The following TPX2 variants were observed in gnomAD, a reference collection of about 807,000 sequenced individuals.
TPX2 encodes TPX2 microtubule nucleation factor, also known as targeting protein for Xklp2.
Under a neutral mutation model 93.6 loss-of-function variants are expected in TPX2, and 21 were observed. The ratio of observed to expected loss-of-function variants is 0.22; its 90% CI spans 0.16 to 0.32. The LOEUF (loss-of-function observed/expected upper bound fraction) is 0.32, where lower values mean the gene tolerates loss of function less well. Among genes scored for constraint, TPX2 ranks in the 10% least tolerant of loss-of-function variants. The pLI, the probability that TPX2 is intolerant of heterozygous loss-of-function variation, is 1.00. For missense variants in TPX2, 776 were observed against 871.1 expected (o/e 0.89, Z 1.37); for synonymous variants, 281 against 298.3 (o/e 0.94, Z 0.60).
intron 15 of TPX2, among the ~76,000 whole-genome samples, chr20:31,794,755 A>AGTGTGTGTGTGT (rs35018680): frequency 2.5e-4 from 36 of 145,482 alleles, no homozygotes; most frequent in African/African-American, 6.8e-4. Context: ...TCTGTCGCAT[A>AGTGTGTGTGTGT]GTGTGTGTGT....
intron 7 of TPX2, among the ~76,000 whole-genome samples, chr20:31,774,006 G>A (rs972590033): frequency 6.6e-6 from 1 of 151,916 alleles, no homozygotes; most frequent in Non-Finnish European, 1.5e-5. Flanking sequence ...CGAGTAGCTG[G>A]GATTACTGGC....
At chr20:31,792,962 G>T in intron 13 of TPX2, 132 bp downstream of exon 13, 1 of 766,504 alleles carries the variant, frequency 1.3e-6, no homozygotes, top group South Asian at 1.7e-5. Context: ...GAATGGGTAT[G>T]AACATTTGTT....
In TPX2 at chr20:31,778,070, T is replaced by C. The variant is rs560965037; in HGVS notation, c.882+432T>C. On this transcript the variant is annotated intron_variant, in intron 9 of 17. Transcript: ENST00000300403. ...GATTACAAGTGTGAGCCATCATGCC[T>C]GGCCAATATAACAGATCTTATAGGA... Among the ~76,000 whole-genome samples the C allele has an allele frequency of 2.6e-5, 4 of 152,248 alleles. No individual in the cohort carries two copies. In the South Asian group the frequency reaches 8.3e-4, roughly 32 times the overall value.
At position 31,793,867 on chromosome 20, in the gene TPX2, T is replaced by C. The variant is rs150674434; in HGVS notation, c.1529T>C (p.Val510Ala). 483 of 1,603,406 alleles carry C rather than the reference T, an allele frequency of 3.0e-4. 1 individual carries two copies. Among genetic ancestry groups the C allele is most frequent in the Middle Eastern group, 5.0e-4 (3 of 6,006 alleles). Reference sequence around the variant, plus strand: ...CCCTAGGAAGAGGACGAACCGGTAGTGATAAAAGCTCAACCTGTGCCACAT... The same window carrying C: ...CCCTAGGAAGAGGACGAACCGGTAGCGATAAAAGCTCAACCTGTGCCACAT... Reference protein sequence around the residue: ...KEDEEEDEPVVIKAQPVPHYG... With the variant: ...KEDEEEDEPVAIKAQPVPHYG... Residue 510 changes from valine to alanine, a missense_variant, in exon 14 of 18, where the codon GTG becomes GCG. By Grantham distance (64) the Val-to-Ala change is moderately conservative. This residue lies in a region of TPX2 where 461 missense variants were observed against 551.2 expected (regional missense o/e 0.84). Transcript: ENST00000300403.
At position 31,771,646 on chromosome 20, in the gene TPX2, A is replaced by G. The variant is rs2123027762; in HGVS notation, c.572A>G (p.Lys191Arg). ...EKNASSPEKA[K>R]GRHTVPCMPP... ...AATGCATCTTCCCCAGAGAAAGCCA[A>G]GGGTAGACATACTGTGCCTTGTATG... Residue 191 changes from lysine to arginine, a missense_variant, in exon 7 of 18, where the codon AAG becomes AGG. Lys to Arg is a conservative substitution (Grantham distance 26). Coordinates refer to ENST00000300403, the MANE Select transcript of TPX2 (RefSeq NM_012112.5). 6.2e-7 allele frequency: 1 copy of G among 1,613,878 alleles called. No individual in the cohort carries two copies. Among genetic ancestry groups the G allele is most frequent in the East Asian group, 2.2e-5 (1 of 44,856 alleles).
chr20:31,793,783 T>G, intron 13 of TPX2, 65 bp from the exon 14 acceptor site: 1 of 1,439,648 alleles, frequency 6.9e-7, no homozygotes, highest in Non-Finnish European at 9.3e-7. Flanking sequence ...GTCTTCTGAC[T>G]CCACATTCTG....
chr20:31,749,698 G>A (rs986567282), intron 2 of TPX2, among the ~76,000 whole-genome samples: 3 of 151,892 alleles, frequency 2.0e-5, no homozygotes, highest in Admixed American at 6.6e-5. Context: ...AGGAGGCTGA[G>A]GCAGGAGAAT....
intron 2 of TPX2, among the ~76,000 whole-genome samples, chr20:31,749,431 G>T (rs1403257675): frequency 1.3e-5 from 2 of 152,162 alleles, no homozygotes; most frequent in East Asian, 3.9e-4. Context: ...TAGGATTATT[G>T]TGAGGATTTA....
chr20:31,741,399 C>T (rs2061752318), intron 1 of TPX2, among the ~76,000 whole-genome samples: 1 of 151,636 alleles, frequency 6.6e-6, no homozygotes, highest in Non-Finnish European at 1.5e-5. Context: ...GCAACTTCTG[C>T]CTCCCCTGTT....
intron 5 of TPX2, among the ~76,000 whole-genome samples, chr20:31,767,775 A>G (rs2061937218): frequency 6.6e-6 from 1 of 152,044 alleles, no homozygotes; most frequent in Non-Finnish European, 1.5e-5. Context: ...GCTGGTCACA[A>G]ACTCGAGCTC....
At chr20:31,748,608 C>T (rs1420077604) in intron 2 of TPX2, among the ~76,000 whole-genome samples, 1 of 152,096 alleles carries the variant, frequency 6.6e-6, no homozygotes, top group Admixed American at 6.6e-5. Flanking sequence ...GATTACCTAC[C>T]TCCTTTTTGA....
intron 5 of TPX2, among the ~76,000 whole-genome samples, chr20:31,768,034 C>T (rs532708399): frequency 6.7e-6 from 1 of 150,294 alleles, no homozygotes; most frequent in African/African-American, 2.5e-5. Context: ...CAGGTGTAAG[C>T]AATCCTTCTG....
chr20:31,774,257 T>C (rs2061981947), intron 7 of TPX2, among the ~76,000 whole-genome samples: 1 of 152,226 alleles, frequency 6.6e-6, no homozygotes, highest in Admixed American at 6.5e-5. Context: ...TCCTCTTGTC[T>C]GAGATTTGTT....
At chr20:31,777,738 A>G (rs780355766) in intron 9 of TPX2, 100 bp downstream of exon 9, 180 of 1,265,554 alleles carry the variant, frequency 1.4e-4, no homozygotes, top group Non-Finnish European at 1.5e-4. Context: ...TAATTGAGAA[A>G]AAAAACCTTG....
chr20:31,752,762 G>A (rs1290187666), intron 2 of TPX2, among the ~76,000 whole-genome samples: 4 of 151,948 alleles, frequency 2.6e-5, no homozygotes, highest in Non-Finnish European at 5.9e-5. Flanking sequence ...ATAGGTGACC[G>A]CCACCATGCC....
At chr20:31,749,062 C>T (rs1044659156) in intron 2 of TPX2, among the ~76,000 whole-genome samples, 1 of 151,862 alleles carries the variant, frequency 6.6e-6, no homozygotes, top group African/African-American at 2.4e-5. Flanking sequence ...TCTCCTGCCT[C>T]AGCCTCCCGA....
At chr20:31,777,391 T>G (rs757927017) in intron 8 of TPX2, 96 bp from the exon 9 acceptor site, 1 of 1,446,944 alleles carries the variant, frequency 6.9e-7, no homozygotes, top group Non-Finnish European at 9.3e-7. Flanking sequence ...GTTAGATCCA[T>G]GGTGACAGAA....
intron 3 of TPX2, 24 bp downstream of exon 3, chr20:31,757,606 A>G (rs2061860230): frequency 1.9e-6 from 3 of 1,590,836 alleles, no homozygotes; most frequent in South Asian, 1.1e-5. Flanking sequence ...TTCTCTGGCT[A>G]TTTTAAGGAT....
At chr20:31,791,128 A>T (rs2062097951) in intron 12 of TPX2, among the ~76,000 whole-genome samples, 1 of 151,938 alleles carries the variant, frequency 6.6e-6, no homozygotes, top group Admixed American at 6.6e-5. Flanking sequence ...GAGGGGTGAG[A>T]GGTAAGGCGG....
Sources: allele counts gnomAD v4.1 joint callset (sites outside exome capture counted in the v4.1 genomes callset), GRCh38; gene constraint gnomAD v4.1.1; regional missense constraint gnomAD v4.1.1; transcripts MANE v1.5; gene names NCBI Gene and HGNC (gene_info 2026-07-23, HGNC 2026-07-21).